The following SHISA9 variants were observed in gnomAD, a reference collection of about 807,000 sequenced individuals.
SHISA9 encodes protein shisa-9.
SHISA9 carries 13 observed loss-of-function variants against 38.0 expected under a neutral mutation model. That is an observed-to-expected ratio of 0.34 (90% CI 0.22 to 0.54). The LOEUF is 0.54. Among genes scored for constraint, SHISA9 ranks in the 20% least tolerant of loss-of-function variants. The pLI is 0.91. For missense variants in SHISA9, 538 were observed against 575.8 expected (o/e 0.93, Z 0.67); for synonymous variants, 275 against 242.0 (o/e 1.14, Z -1.27).
intron 2 of SHISA9, among the ~76,000 whole-genome samples, chr16:13,093,704 G>A (rs1013552402): frequency 6.6e-6 from 1 of 152,128 alleles, no homozygotes; most frequent in Non-Finnish European, 1.5e-5. Context: ...GATTTCCTCA[G>A]GAGTCTGGTA....
the SHISA9 span, among the ~76,000 whole-genome samples, chr16:13,307,905 C>T: frequency 1.4e-3 from 214 of 152,274 alleles, no homozygotes; most frequent in African/African-American, 4.5e-3. Flanking sequence ...GGATGATTAA[C>T]GGTCCTTCCA....
chr16:12,940,601 G>A lies in SHISA9; in HGVS notation c.691+23786G>A, dbSNP rs74014748. On this transcript the variant is annotated intron_variant, in intron 2 of 4. Transcript: ENST00000558583. ...AAAATAAAAACCCCTGCTTTCCTTT[G>A]TTCTGTGTGCTCTCACCATTGCTCC... 7.3e-3 allele frequency among the ~76,000 whole-genome samples: 1,118 copies of A among 152,288 alleles called. 18 individuals are homozygous for A. The highest frequency in any genetic ancestry group is 0.025 in the African/African-American group (1,044 of 41,562).
intron 1 of SHISA9, among the ~76,000 whole-genome samples, chr16:12,906,463 G>C (rs1322252097): frequency 5.3e-5 from 8 of 152,042 alleles, no homozygotes; most frequent in African/African-American, 2.4e-5. Flanking sequence ...GGAAGCGGTG[G>C]GGGGAGGCTC....
intron 2 of SHISA9, among the ~76,000 whole-genome samples, chr16:13,098,397 T>C (rs2073847529): frequency 6.6e-6 from 1 of 152,212 alleles, no homozygotes; most frequent in South Asian, 2.1e-4. Context: ...ATTTCAGTAT[T>C]AGGTGTTCTG....
intron 2 of SHISA9, among the ~76,000 whole-genome samples, chr16:13,167,871 G>C (rs2050651651): frequency 6.6e-6 from 1 of 152,174 alleles, no homozygotes; most frequent in East Asian, 1.9e-4. Context: ...CTTAGTGTGA[G>C]AACAGCCTAA....
At chr16:13,452,066 C>G in the SHISA9 span, among the ~76,000 whole-genome samples, 1 of 152,152 alleles carries the variant, frequency 6.6e-6, no homozygotes, top group Non-Finnish European at 1.5e-5. Context: ...CTGCATGTCA[C>G]CAGGAAATAG....
At chr16:13,149,326 G>T (rs1414354498) in intron 2 of SHISA9, among the ~76,000 whole-genome samples, 1 of 152,164 alleles carries the variant, frequency 6.6e-6, no homozygotes, top group Non-Finnish European at 1.5e-5. Flanking sequence ...TACAGAGGAG[G>T]GGGTATGGGG....
chr16:13,072,450 T>A (rs1329634754), intron 2 of SHISA9, among the ~76,000 whole-genome samples: 2 of 152,082 alleles, frequency 1.3e-5, no homozygotes, highest in Non-Finnish European at 2.9e-5. Context: ...CTTTTAGTTA[T>A]CTCTTGGCGA....
the SHISA9 span, among the ~76,000 whole-genome samples, chr16:13,344,012 T>C: frequency 1.3e-5 from 2 of 152,164 alleles, no homozygotes; most frequent in East Asian, 1.9e-4. Context: ...GTCCAGAGCA[T>C]TAAAGACCAT....
At chr16:12,969,762 A>G (rs972382433) in intron 2 of SHISA9, among the ~76,000 whole-genome samples, 1 of 151,878 alleles carries the variant, frequency 6.6e-6, no homozygotes, top group African/African-American at 2.4e-5. Context: ...CCTCCCCACC[A>G]AAAAAAATGT....
the SHISA9 span, among the ~76,000 whole-genome samples, chr16:13,516,415 T>G: frequency 2.0e-5 from 3 of 152,004 alleles, no homozygotes; most frequent in East Asian, 3.9e-4. Flanking sequence ...AGGAAAGAAG[T>G]TGGAGATTCA....
intron 3 of SHISA9, among the ~76,000 whole-genome samples, chr16:13,210,418 C>G (rs1261368391): frequency 6.6e-6 from 1 of 152,066 alleles, no homozygotes; most frequent in African/African-American, 2.4e-5. Flanking sequence ...TGCTGCGTCA[C>G]TTCATTTCTA....
the SHISA9 span, among the ~76,000 whole-genome samples, chr16:13,323,719 G>T: frequency 6.6e-6 from 1 of 152,148 alleles, no homozygotes; most frequent in African/African-American, 2.4e-5. Context: ...CGAGCAAAGG[G>T]GGGAAGAGCC....
chr16:13,282,191 A>T, the SHISA9 span, among the ~76,000 whole-genome samples: 1 of 151,918 alleles, frequency 6.6e-6, no homozygotes, highest in Non-Finnish European at 1.5e-5. Flanking sequence ...CATGCTGGTA[A>T]TGTATTCTTC....
intron 2 of SHISA9, among the ~76,000 whole-genome samples, chr16:13,067,297 A>G (rs1429163147): frequency 6.6e-6 from 1 of 152,202 alleles, no homozygotes; most frequent in East Asian, 1.9e-4. Context: ...AGGAACCTAG[A>G]TGGGAAGTGG....
chr16:13,137,909 T>TA (rs1235850360), intron 2 of SHISA9, among the ~76,000 whole-genome samples: 1 of 152,212 alleles, frequency 6.6e-6, no homozygotes, highest in Non-Finnish European at 1.5e-5. Flanking sequence ...TTTTCATGGC[T>TA]AACTCGTATT....
intron 2 of SHISA9, among the ~76,000 whole-genome samples, chr16:13,150,732 G>A (rs184503381): frequency 6.6e-6 from 1 of 152,314 alleles, no homozygotes; most frequent in African/African-American, 2.4e-5. Flanking sequence ...CCTGCAAGCA[G>A]TAATGGTGGC....
At chr16:12,929,597 C>G (rs1596534837) in intron 2 of SHISA9, among the ~76,000 whole-genome samples, 1 of 151,418 alleles carries the variant, frequency 6.6e-6, no homozygotes, top group South Asian at 2.1e-4. Context: ...GATGAGAACA[C>G]ATGGACACAG....
the SHISA9 span, among the ~76,000 whole-genome samples, chr16:13,460,067 G>A: frequency 6.6e-6 from 1 of 152,018 alleles, no homozygotes; most frequent in Non-Finnish European, 1.5e-5. Flanking sequence ...GCCACCACAC[G>A]CAGCCTATAT....
Sources: allele counts gnomAD v4.1 joint callset (sites outside exome capture counted in the v4.1 genomes callset), GRCh38; gene constraint gnomAD v4.1.1; transcripts MANE v1.5; gene names NCBI Gene and HGNC (gene_info 2026-07-23, HGNC 2026-07-21).